Variants in AGTPBP1 observed in about 807,000 individuals in gnomAD.
AGTPBP1 encodes the protein cytosolic carboxypeptidase 1.
A neutral mutation model predicts 143.9 loss-of-function variants in AGTPBP1; 70 were observed. The observed-to-expected ratio is 0.49, with a 90% CI of 0.40 to 0.59. The LOEUF is 0.59. Among genes scored for constraint, AGTPBP1 ranks in the 20% least tolerant of loss-of-function variants. The pLI is 0.00. For synonymous variants in AGTPBP1, 463 were observed against 500.2 expected (o/e 0.93, Z 0.99); for missense variants, 1,229 against 1,464.5 (o/e 0.84, Z 2.62).
At chr9:85,748,214 C>A in the AGTPBP1 span, among the ~76,000 whole-genome samples, 7 of 152,334 alleles carry the variant, frequency 4.6e-5, no homozygotes, top group South Asian at 2.1e-4. Flanking sequence ...GCATCCAGCA[C>A]AGTTCAGCAC....
At chr9:85,664,603 T>G (rs1834027679) in intron 8 of AGTPBP1, among the ~76,000 whole-genome samples, 1 of 152,172 alleles carries the variant, frequency 6.6e-6, no homozygotes, top group Admixed American at 6.6e-5. Flanking sequence ...CTCAGAAACG[T>G]ATTTTTAAAA....
At position 85,633,299 on chromosome 9, in the gene AGTPBP1, T is replaced by C. The variant is rs1375829417; in HGVS notation, c.1378A>G (p.Thr460Ala). The stretch of plus-strand genomic sequence containing the variant: ...TTCCCAGATGTTTCCTCGCCTGCCG[T>C]AGGAACAACAATAGGACCACGTACT... Reference protein sequence around the residue: ...GKVRGPIVVPTAGEETSGNSG... With the variant: ...GKVRGPIVVPAAGEETSGNSG... Residue 460 changes from threonine (T) to alanine (A), a missense_variant, in exon 14 of 26, where the codon ACG (threonine) becomes GCG (alanine). Around this residue, in one of 2 missense-constraint regions of AGTPBP1, gnomAD observed 743 missense variants for 812.2 expected, o/e 0.91. Transcript: ENST00000357081. The C allele has an allele frequency of 4.3e-6, 7 of 1,613,734 alleles. No homozygotes were observed. Among genetic ancestry groups the C allele is most frequent in the South Asian group, 1.1e-5 (1 of 91,014 alleles).
chr9:85,595,150 G>T (rs1829214731), intron 18 of AGTPBP1, among the ~76,000 whole-genome samples: 1 of 152,162 alleles, frequency 6.6e-6, no homozygotes, highest in Non-Finnish European at 1.5e-5. Context: ...TTACTGAGAT[G>T]AATTCCAAGG....
intron 4 of AGTPBP1, among the ~76,000 whole-genome samples, chr9:85,679,431 G>A (rs572774506): frequency 1.3e-4 from 19 of 150,330 alleles, no homozygotes; most frequent in East Asian, 5.9e-4. Flanking sequence ...TTTTTGAGAC[G>A]GAGTCTCGCT....
chr9:85,555,701 G>A (rs968013572), intron 25 of AGTPBP1, among the ~76,000 whole-genome samples: 3 of 152,184 alleles, frequency 2.0e-5, no homozygotes, highest in South Asian at 4.1e-4. Flanking sequence ...GGTGGCACTA[G>A]GGGGAAGACC....
At chr9:85,734,094 A>C (rs1460536245) in intron 1 of AGTPBP1, among the ~76,000 whole-genome samples, 2 of 152,140 alleles carry the variant, frequency 1.3e-5, no homozygotes, top group African/African-American at 4.8e-5. Context: ...TCTACTAAAA[A>C]TACAAAAAAT....
chr9:85,779,175 A>T, the AGTPBP1 span, among the ~76,000 whole-genome samples: 2 of 135,660 alleles, frequency 1.5e-5, no homozygotes, highest in Non-Finnish European at 3.0e-5. Flanking sequence ...CTAATAGGAG[A>T]TATATAGATA....
intron 21 of AGTPBP1, among the ~76,000 whole-genome samples, chr9:85,587,168 T>C (rs551786567): frequency 6.6e-6 from 1 of 152,346 alleles, no homozygotes; most frequent in East Asian, 1.9e-4. Flanking sequence ...TGCAAGATTT[T>C]GTGTCACATG....
intron 3 of AGTPBP1, 149 bp downstream of exon 3, chr9:85,692,540 C>G: frequency 1.1e-6 from 1 of 900,768 alleles, no homozygotes; most frequent in Non-Finnish European, 1.6e-6. Flanking sequence ...TCCCAAAGTG[C>G]TGGGATTACA....
At chr9:85,612,777 T>G (rs1830392690) in intron 17 of AGTPBP1, among the ~76,000 whole-genome samples, 1 of 152,070 alleles carries the variant, frequency 6.6e-6, no homozygotes, top group African/African-American at 2.4e-5. Context: ...GGACACCCAG[T>G]TGGTGTCTGG....
intron 8 of AGTPBP1, among the ~76,000 whole-genome samples, chr9:85,668,059 A>G (rs1423997026): frequency 6.6e-6 from 1 of 152,114 alleles, no homozygotes; most frequent in African/African-American, 2.4e-5. Flanking sequence ...TTACAGCTCA[A>G]ATATAATGGC....
chr9:85,690,923 G>A (rs1362382938), intron 3 of AGTPBP1, among the ~76,000 whole-genome samples: 1 of 152,196 alleles, frequency 6.6e-6, no homozygotes, highest in African/African-American at 2.4e-5. Flanking sequence ...TGGTAATGCT[G>A]GAGTAGGGGT....
At chr9:85,711,392 T>A (rs1478899610) in intron 2 of AGTPBP1, among the ~76,000 whole-genome samples, 3 of 151,960 alleles carry the variant, frequency 2.0e-5, no homozygotes, top group Non-Finnish European at 4.4e-5. Flanking sequence ...ACAGAGATGA[T>A]ACAGTGTGCT....
At chr9:85,645,464 T>C (rs1832756225) in intron 12 of AGTPBP1, among the ~76,000 whole-genome samples, 1 of 152,182 alleles carries the variant, frequency 6.6e-6, no homozygotes, top group Admixed American at 6.5e-5. Flanking sequence ...AACTTGACAG[T>C]TTCGCCAAAG....
At position 85,632,927 on chromosome 9, in the gene AGTPBP1, C is replaced by T. The variant is rs780323299; in HGVS notation, c.1750G>A (p.Gly584Arg). The part of the protein sequence containing the change: ...MATCGNVLFE[G>R]RTVQLGKLCC... The stretch of plus-strand genomic sequence containing the variant: ...AGCTTCCCTAGCTGAACTGTTCTTC[C>T]CTCAAACAGAACATTTCCACAAGTA... Residue 584 changes from glycine to arginine, a missense_variant, in exon 14 of 26, where the codon GGA (glycine) becomes AGA (arginine). By Grantham distance (125) the Gly-to-Arg change is moderately radical. Coordinates refer to ENST00000357081, the MANE Select transcript of AGTPBP1 (RefSeq NM_001330701.2). 1.2e-6 allele frequency: 2 copies of T among 1,613,990 alleles called. No homozygotes were observed. Among genetic ancestry groups the T allele is most frequent in the Admixed American group, 1.7e-5 (1 of 59,990 alleles).
chr9:85,647,076 G>C (rs983271028), intron 11 of AGTPBP1, among the ~76,000 whole-genome samples: 4 of 152,142 alleles, frequency 2.6e-5, no homozygotes, highest in African/African-American at 9.7e-5. Context: ...TTGGGAGTTC[G>C]AGACTGGCCT....
intron 11 of AGTPBP1, among the ~76,000 whole-genome samples, chr9:85,650,789 A>G (rs1303975736): frequency 1.3e-5 from 2 of 152,166 alleles, no homozygotes; most frequent in African/African-American, 4.8e-5. Context: ...GTTTCTACCA[A>G]TGTCTTTCTG....
the AGTPBP1 span, among the ~76,000 whole-genome samples, chr9:85,804,631 G>T: frequency 6.6e-6 from 1 of 152,222 alleles, no homozygotes; most frequent in Non-Finnish European, 1.5e-5. Flanking sequence ...AATGGGATGC[G>T]CTGGAAGCCA....
intron 8 of AGTPBP1, among the ~76,000 whole-genome samples, chr9:85,668,075 T>C (rs1370905821): frequency 6.6e-6 from 1 of 151,994 alleles, no homozygotes; most frequent in Non-Finnish European, 1.5e-5. Flanking sequence ...ATGGCTGATA[T>C]CTGCTTTAAA....
Sources: allele counts gnomAD v4.1 joint callset (sites outside exome capture counted in the v4.1 genomes callset), GRCh38; gene constraint gnomAD v4.1.1; regional missense constraint gnomAD v4.1.1; transcripts MANE v1.5; gene names NCBI Gene and HGNC (gene_info 2026-07-23, HGNC 2026-07-21).